The following ELMO1 variants were observed in gnomAD, a reference collection of about 807,000 sequenced individuals.
ELMO1 encodes engulfment and cell motility 1.
A neutral mutation model predicts 98.9 loss-of-function variants in ELMO1; 26 were observed. The observed-to-expected ratio is 0.26, with a 90% CI of 0.19 to 0.36. ELMO1 has a LOEUF of 0.36. ELMO1 is among the 10% of genes least tolerant of loss of function. The probability of loss-of-function intolerance (pLI) is 1.00; values close to 1 mark genes in which losing one functional copy is unlikely to be tolerated. For missense variants in ELMO1, 627 were observed against 935.2 expected (o/e 0.67, Z 4.30); for synonymous variants, 346 against 346.0 (o/e 1.00, Z 0.00).
intron 13 of ELMO1, among the ~76,000 whole-genome samples, chr7:37,206,488 G>A (rs1014374306): frequency 3.3e-5 from 5 of 152,202 alleles, no homozygotes. Flanking sequence ...GACAGAGATA[G>A]AGAAGGAAAA....
At chr7:37,142,634 A>G (rs1247585075) in intron 13 of ELMO1, among the ~76,000 whole-genome samples, 1 of 152,236 alleles carries the variant, frequency 6.6e-6, no homozygotes, top group African/African-American at 2.4e-5. Context: ...TAGACTTTAC[A>G]TAGACTGAGA....
At chr7:37,339,952 C>T (rs1463131460) in intron 2 of ELMO1, among the ~76,000 whole-genome samples, 1 of 152,110 alleles carries the variant, frequency 6.6e-6, no homozygotes, top group East Asian at 1.9e-4. Context: ...TGTGAGAGAA[C>T]CCCAAACTGA....
chr7:36,935,032 C>T (rs1257283211), intron 16 of ELMO1, among the ~76,000 whole-genome samples: 2 of 152,200 alleles, frequency 1.3e-5, no homozygotes, highest in Non-Finnish European at 2.9e-5. Flanking sequence ...TGGGTATTGC[C>T]TTTGATATGG....
At chr7:36,866,637 A>G (rs1423149134) in intron 20 of ELMO1, among the ~76,000 whole-genome samples, 1 of 152,246 alleles carries the variant, frequency 6.6e-6, no homozygotes, top group Non-Finnish European at 1.5e-5. Flanking sequence ...TCTCTTTTAC[A>G]GATGCCAATG....
chr7:37,068,495 T>TATAA (rs2129222197), intron 15 of ELMO1, among the ~76,000 whole-genome samples: 1 of 152,296 alleles, frequency 6.6e-6, no homozygotes, highest in East Asian at 1.9e-4. Context: ...CACTTGCTAG[T>TATAA]ATAACTATGA....
chr7:37,053,282 T>G (rs1796210698), intron 15 of ELMO1, among the ~76,000 whole-genome samples: 1 of 110,322 alleles, frequency 9.1e-6, no homozygotes, highest in African/African-American at 4.1e-5. Context: ...TTTCATTTGT[T>G]AAAACACACA....
chr7:37,280,690 T>TAA (rs144707879), intron 4 of ELMO1, among the ~76,000 whole-genome samples: 8 of 151,288 alleles, frequency 5.3e-5, no homozygotes, highest in South Asian at 2.1e-4. Context: ...ATCAAAAAAA[T>TAA]AAAAAAAACA....
chr7:37,056,276 C>A (rs888474097), intron 15 of ELMO1, among the ~76,000 whole-genome samples: 4 of 152,220 alleles, frequency 2.6e-5, no homozygotes, highest in Non-Finnish European at 5.9e-5. Context: ...GTTGCAGTTT[C>A]TTTTAAGTGA....
chr7:37,163,827 A>G (rs1789420064), intron 13 of ELMO1, among the ~76,000 whole-genome samples: 1 of 152,194 alleles, frequency 6.6e-6, no homozygotes, highest in Admixed American at 6.5e-5. Context: ...TAGCAGCATG[A>G]CTTATAGTCC....
chr7:36,923,931 G>C (rs1460264371), intron 16 of ELMO1, among the ~76,000 whole-genome samples: 1 of 152,128 alleles, frequency 6.6e-6, no homozygotes, highest in Non-Finnish European at 1.5e-5. Flanking sequence ...TATACGTGTG[G>C]AACACAAACA....
chr7:37,005,107 C>CAAAAAAAAAAAAAAAA (rs35665315), intron 16 of ELMO1, among the ~76,000 whole-genome samples: 1 of 38,290 alleles, frequency 2.6e-5, no homozygotes, highest in African/African-American at 7.1e-5. Flanking sequence ...GGCTCTGTCT[C>CAAAAAAAAAAAAAAAA]AAAAAAAAAA....
chr7:36,867,208 C>T (rs1803100157), intron 20 of ELMO1, among the ~76,000 whole-genome samples: 1 of 152,116 alleles, frequency 6.6e-6, no homozygotes, highest in Admixed American at 6.5e-5. Context: ...ATCCATCATC[C>T]ATCTATCCAT....
intron 14 of ELMO1, among the ~76,000 whole-genome samples, chr7:37,121,047 G>A (rs1400601428): frequency 1.3e-5 from 2 of 152,194 alleles, no homozygotes; most frequent in Non-Finnish European, 2.9e-5. Flanking sequence ...AACTCCAACA[G>A]ACCTGCAGCT....
chr7:37,243,677 C>T (rs542421291), intron 7 of ELMO1, among the ~76,000 whole-genome samples: 4 of 152,250 alleles, frequency 2.6e-5, no homozygotes, highest in East Asian at 3.9e-4. Context: ...CACTTTGAGA[C>T]GCTGGTCAGT....
At chr7:37,218,119 A>G (rs1182880413) in intron 10 of ELMO1, among the ~76,000 whole-genome samples, 1 of 152,198 alleles carries the variant, frequency 6.6e-6, no homozygotes, top group African/African-American at 2.4e-5. Context: ...CCTAGACCAG[A>G]TGACAAATAA....
chr7:37,188,187 C>A (rs1791332391), intron 13 of ELMO1, among the ~76,000 whole-genome samples: 1 of 152,006 alleles, frequency 6.6e-6, no homozygotes, highest in African/African-American at 2.4e-5. Context: ...CACCACTCTG[C>A]AAATAAATTA....
chr7:37,002,261 TCACATC>T (rs1792728986), intron 16 of ELMO1: 1 of 152,214 alleles, frequency 6.6e-6, no homozygotes, highest in South Asian at 2.1e-4. Context: ...TCTGCTCGTT[TCACATC>T]CATGCACATC....
chr7:36,916,580 T>G (rs1784706774), intron 16 of ELMO1, among the ~76,000 whole-genome samples: 1 of 152,226 alleles, frequency 6.6e-6, no homozygotes, highest in African/African-American at 2.4e-5. Flanking sequence ...CCCCCATTCC[T>G]TTTAGCAGTA....
intron 13 of ELMO1, among the ~76,000 whole-genome samples, chr7:37,170,614 G>T (rs1180951978): frequency 5.8e-5 from 8 of 139,032 alleles, no homozygotes; most frequent in Admixed American, 7.3e-5. Context: ...TTCCTTGCTT[G>T]CTTTTTTTTT....
Sources: allele counts gnomAD v4.1 joint callset (sites outside exome capture counted in the v4.1 genomes callset), GRCh38; gene constraint gnomAD v4.1.1; transcripts MANE v1.5; gene names NCBI Gene and HGNC (gene_info 2026-07-23, HGNC 2026-07-21).